The following CACNA2D3 variants were observed in gnomAD, a reference collection of about 807,000 sequenced individuals.
The protein encoded by CACNA2D3 is voltage-dependent calcium channel subunit alpha-2/delta-3.
A neutral mutation model predicts 160.6 loss-of-function variants in CACNA2D3; 60 were observed. The ratio of observed to expected loss-of-function variants is 0.37; its 90% CI spans 0.30 to 0.46. The LOEUF is 0.46. Ranked by LOEUF, CACNA2D3 falls within the 20% of genes least tolerant of loss-of-function variation. The probability of loss-of-function intolerance (pLI) is 1.00; values close to 1 mark genes in which losing one functional copy is unlikely to be tolerated. For missense variants in CACNA2D3, 1,205 were observed against 1,365.0 expected, an observed-to-expected ratio of 0.88 and a Z score of 1.85; for synonymous variants, 558 against 492.9, an observed-to-expected ratio of 1.13 and a Z score of -1.75.
At chr3:54,340,503 A>C (rs1012974466) in intron 3 of CACNA2D3, among the ~76,000 whole-genome samples, 2 of 152,262 alleles carry the variant, frequency 1.3e-5, no homozygotes, top group Non-Finnish European at 2.9e-5. Flanking sequence ...AAATGAATAT[A>C]AAGTGAAACA....
intron 35 of CACNA2D3, among the ~76,000 whole-genome samples, chr3:55,059,792 G>C (rs559506971): frequency 6.6e-6 from 1 of 152,090 alleles, no homozygotes; most frequent in Non-Finnish European, 1.5e-5. Flanking sequence ...GGATTGGGGG[G>C]TGGAAAGGGA....
intron 27 of CACNA2D3, among the ~76,000 whole-genome samples, chr3:54,949,194 G>T (rs116288715): frequency 8.5e-5 from 13 of 152,302 alleles, no homozygotes; most frequent in Non-Finnish European, 1.8e-4. Context: ...GTTTTGGTCA[G>T]TGCCTATCAC....
At chr3:55,014,505 G>A (rs755947710) in intron 34 of CACNA2D3, among the ~76,000 whole-genome samples, 13 of 152,106 alleles carry the variant, frequency 8.5e-5, no homozygotes, top group South Asian at 4.1e-4. Context: ...CAAGGTGGGC[G>A]GATCACTGAG....
intron 4 of CACNA2D3, among the ~76,000 whole-genome samples, chr3:54,453,673 G>T (rs1317607903): frequency 6.6e-6 from 1 of 152,110 alleles, no homozygotes; most frequent in African/African-American, 2.4e-5. Flanking sequence ...TCTCTCTCTT[G>T]CTCTCTCAAT....
chr3:54,865,075 ATTC>A (rs554818246), intron 17 of CACNA2D3, among the ~76,000 whole-genome samples: 6 of 152,296 alleles, frequency 3.9e-5, no homozygotes, highest in Admixed American at 3.3e-4. Flanking sequence ...TCGCTTTTTT[ATTC>A]TTTTCTAAAG....
At chr3:54,359,212 T>G (rs1160775237) in intron 3 of CACNA2D3, among the ~76,000 whole-genome samples, 1 of 152,126 alleles carries the variant, frequency 6.6e-6, no homozygotes, top group Non-Finnish European at 1.5e-5. Context: ...TCCCCTAGGA[T>G]CATGTTGCTC....
At chr3:54,179,763 A>G (rs1700746435) in intron 2 of CACNA2D3, among the ~76,000 whole-genome samples, 1 of 152,328 alleles carries the variant, frequency 6.6e-6, no homozygotes, top group East Asian at 1.9e-4. Context: ...TGAGGACACA[A>G]TGAGAAGGTG....
At chr3:54,356,387 G>A (rs1407949410) in intron 3 of CACNA2D3, among the ~76,000 whole-genome samples, 1 of 152,184 alleles carries the variant, frequency 6.6e-6, no homozygotes, top group African/African-American at 2.4e-5. Flanking sequence ...AACTTGCAGA[G>A]TTCAGTGCCA....
chr3:54,168,410 A>C (rs1397047274), intron 2 of CACNA2D3, among the ~76,000 whole-genome samples: 1 of 152,220 alleles, frequency 6.6e-6, no homozygotes, highest in Non-Finnish European at 1.5e-5. Flanking sequence ...TAAAATGTGA[A>C]GATAAGTGAA....
intron 3 of CACNA2D3, among the ~76,000 whole-genome samples, chr3:54,343,236 A>G (rs1343780523): frequency 6.6e-6 from 1 of 151,736 alleles, no homozygotes; most frequent in East Asian, 1.9e-4. Context: ...CCTGGGCCCT[A>G]CCCTGGAGAG....
chr3:54,308,049 C>T (rs918426246), intron 2 of CACNA2D3, among the ~76,000 whole-genome samples: 1 of 152,160 alleles, frequency 6.6e-6, no homozygotes, highest in Admixed American at 6.5e-5. Flanking sequence ...TTATGTTATT[C>T]TTTCTGTAGA....
At chr3:55,043,198 A>G (rs1424619791) in intron 35 of CACNA2D3, among the ~76,000 whole-genome samples, 1 of 152,130 alleles carries the variant, frequency 6.6e-6, no homozygotes, top group African/African-American at 2.4e-5. Context: ...TGTTTTACAT[A>G]GTATCTGTAC....
At chr3:54,825,966 T>C (rs1312044593) in intron 14 of CACNA2D3, among the ~76,000 whole-genome samples, 1 of 152,240 alleles carries the variant, frequency 6.6e-6, no homozygotes, top group African/African-American at 2.4e-5. Context: ...CATATGTGCA[T>C]ATGCATAGCT....
intron 2 of CACNA2D3, among the ~76,000 whole-genome samples, chr3:54,131,909 A>C (rs1349573183): frequency 6.6e-6 from 1 of 152,120 alleles, no homozygotes; most frequent in Non-Finnish European, 1.5e-5. Context: ...CAGGTGTTTG[A>C]CTCTTTGTAC....
chr3:55,050,513 C>G (rs1218582004), intron 35 of CACNA2D3, among the ~76,000 whole-genome samples: 1 of 150,724 alleles, frequency 6.6e-6, no homozygotes, highest in Non-Finnish European at 1.5e-5. Flanking sequence ...GTAACTCGAC[C>G]TTTCTCTCTG....
intron 2 of CACNA2D3, among the ~76,000 whole-genome samples, chr3:54,266,562 A>G (rs1007062980): frequency 6.6e-6 from 1 of 152,132 alleles, no homozygotes; most frequent in Non-Finnish European, 1.5e-5. Context: ...GGTTTGCATT[A>G]GGGTCTCCAT....
intron 13 of CACNA2D3, among the ~76,000 whole-genome samples, chr3:54,774,627 CTATT>C (rs1208896251): frequency 8.8e-6 from 1 of 114,260 alleles, no homozygotes; most frequent in African/African-American, 3.2e-5. Flanking sequence ...TGCTCTTTGA[CTATT>C]TTTTTTTTTT....
chr3:54,797,034 A>G (rs112136379), intron 13 of CACNA2D3, among the ~76,000 whole-genome samples: 7 of 152,282 alleles, frequency 4.6e-5, no homozygotes, highest in African/African-American at 1.7e-4. Context: ...GCTTTTTAAC[A>G]TGGGATTCTT....
intron 6 of CACNA2D3, among the ~76,000 whole-genome samples, chr3:54,568,788 C>G (rs919102581): frequency 6.6e-5 from 10 of 152,184 alleles, no homozygotes; most frequent in Non-Finnish European, 1.5e-4. Context: ...GGACAGAACC[C>G]AATATCTCTT....
Sources: allele counts gnomAD v4.1 joint callset (sites outside exome capture counted in the v4.1 genomes callset), GRCh38; gene constraint gnomAD v4.1.1; transcripts MANE v1.5; gene names NCBI Gene and HGNC (gene_info 2026-07-23, HGNC 2026-07-21).